Variants in XPO5 observed in about 807,000 individuals in gnomAD.
XPO5 encodes exportin 5, also known as exportin-5.
In XPO5, 46 loss-of-function variants were observed where a neutral mutation model predicts 160.6. That is an observed-to-expected ratio of 0.29 (90% CI 0.23 to 0.37). The LOEUF (loss-of-function observed/expected upper bound fraction) is 0.37. XPO5 is among the 10% of genes least tolerant of loss of function. The pLI is 1.00. For synonymous variants in XPO5, 537 were observed against 519.3 expected (o/e 1.03, Z -0.46); for missense variants, 1,090 against 1,463.9 (o/e 0.74, Z 4.17).
intron 20 of XPO5, among the ~76,000 whole-genome samples, chr6:43,537,260 C>CT: frequency 6.6e-6 from 1 of 152,062 alleles, no homozygotes; most frequent in Admixed American, 6.6e-5. Flanking sequence ...GCATGAGCCA[C>CT]TATTCCCAGC....
intron 20 of XPO5, among the ~76,000 whole-genome samples, chr6:43,538,308 C>G (rs1418077818): frequency 6.6e-6 from 1 of 151,688 alleles, no homozygotes; most frequent in Non-Finnish European, 1.5e-5. Flanking sequence ...CACCACCACA[C>G]CTGGTTACTT....
chr6:43,572,511 C>A lies in XPO5; in HGVS notation c.295G>T (p.Ala99Ser). The A allele has an allele frequency of 6.2e-7, 1 of 1,613,926 alleles. No individual in the cohort carries two copies. Among genetic ancestry groups the A allele is most frequent in the Non-Finnish European group, 8.5e-7 (1 of 1,179,886 alleles). Reference sequence around the variant, plus strand: ...CCCAACCACCCATTCCTTACATTTGCAATCAGCTCCATGACACTGTTCTTC... The same window carrying A: ...CCCAACCACCCATTCCTTACATTTGAAATCAGCTCCATGACACTGTTCTTC... ...YLKNSVMELI[A>S]NGTLNILEEE... The change falls in exon 3 of 32, where the codon GCA becomes TCA. Residue 99 changes from alanine to serine, a missense_variant. Coordinates refer to ENST00000265351, the MANE Select transcript of XPO5 (RefSeq NM_020750.3).
At chr6:43,543,276 G>C (rs1471645258) in intron 20 of XPO5, among the ~76,000 whole-genome samples, 1 of 151,972 alleles carries the variant, frequency 6.6e-6, no homozygotes, top group African/African-American at 2.4e-5. Flanking sequence ...AACATAGAGA[G>C]AACCTATCTC....
At chr6:43,570,479 T>C (rs773021578) in intron 5 of XPO5, 23 bp downstream of exon 5, 2 of 1,596,626 alleles carry the variant, frequency 1.3e-6, no homozygotes, top group Non-Finnish European at 1.7e-6. Flanking sequence ...AATAGAAATG[T>C]TATAGGTAGG....
intron 10 of XPO5, 64 bp downstream of exon 10, chr6:43,560,860 G>T: frequency 7.8e-7 from 1 of 1,277,932 alleles, no homozygotes; most frequent in Non-Finnish European, 1.1e-6. Context: ...AATATTTCAG[G>T]ACACAGTGCT....
At chr6:43,560,422 C>T in intron 10 of XPO5, 119 bp from the exon 11 acceptor site, 1 of 1,242,984 alleles carries the variant, frequency 8.0e-7, no homozygotes, top group South Asian at 1.7e-5. Flanking sequence ...TACTTTGAAG[C>T]TGTCTCTACT....
chr6:43,574,502 T>A (rs1763190897), intron 1 of XPO5, among the ~76,000 whole-genome samples: 1 of 150,910 alleles, frequency 6.6e-6, no homozygotes, highest in Admixed American at 6.6e-5. Flanking sequence ...ATATATATAT[T>A]ATGAATAAAG....
At chr6:43,541,684 C>T (rs906049767) in intron 20 of XPO5, among the ~76,000 whole-genome samples, 1 of 152,226 alleles carries the variant, frequency 6.6e-6, no homozygotes, top group South Asian at 2.1e-4. Context: ...CCTTTTGTGT[C>T]TGGCTTCTTT....
intron 19 of XPO5, chr6:43,547,358 G>C: frequency 1.8e-6 from 1 of 560,746 alleles, no homozygotes; most frequent in Non-Finnish European, 3.2e-6. Context: ...TACACCTTCA[G>C]TCTTCAGAGC....
In XPO5 at chr6:43,525,830, T is replaced by C; in HGVS notation, c.3066+9A>G. ...AGGAGTAAAGGTATCACCTGCTCCT[T>C]CTACCCACCTCATGCTTCATCAGAC... On this transcript the variant is annotated intron_variant, in intron 28 of 31. Coordinates refer to ENST00000265351, the MANE Select transcript of XPO5 (RefSeq NM_020750.3). 2 of 1,613,962 alleles carry C rather than the reference T, an allele frequency of 1.2e-6. No homozygotes were observed. The highest frequency in any genetic ancestry group is 1.7e-6 in the Non-Finnish European group (2 of 1,179,844).
At chr6:43,574,747 G>C (rs149853219) in intron 1 of XPO5, among the ~76,000 whole-genome samples, 1 of 151,966 alleles carries the variant, frequency 6.6e-6, no homozygotes, top group Admixed American at 6.6e-5. Context: ...TAAAATCTTT[G>C]ATTGCTGAAT....
At chr6:43,525,273 T>C in intron 28 of XPO5, 59 bp from the exon 29 acceptor site, 12 of 1,477,864 alleles carry the variant, frequency 8.1e-6, no homozygotes, top group Non-Finnish European at 1.1e-5. Flanking sequence ...TCTCTGATGA[T>C]TATTACACAT....
At chr6:43,553,301 C>T in intron 14 of XPO5, 72 bp downstream of exon 14, 1 of 1,514,958 alleles carries the variant, frequency 6.6e-7, no homozygotes, top group Non-Finnish European at 8.9e-7. Context: ...TATAGCGTCC[C>T]AAAATAGAAA....
At chr6:43,551,123 G>T in intron 15 of XPO5, 175 bp downstream of exon 15, 1 of 526,816 alleles carries the variant, frequency 1.9e-6, no homozygotes, top group Non-Finnish European at 3.1e-6. Context: ...AGGCATGGTT[G>T]TGCATGCTTG....
rs1236646068 is a variant in XPO5, at chr6:43,523,313, A to C, written c.*555T>G. On this transcript the variant is annotated 3_prime_UTR_variant, in exon 32 of 32. Coordinates refer to ENST00000265351, the MANE Select transcript of XPO5 (RefSeq NM_020750.3). ...GTGACCAGATTCTTGCCCAAAGCAA[A>C]GTTGAGAGAACTGACCAAGTTCTCT... 3 of 232,758 alleles carry C rather than the reference A, an allele frequency of 1.3e-5. No individual in the cohort carries two copies. The highest frequency in any genetic ancestry group is 2.3e-5 in the African/African-American group (1 of 44,114). The allele number at this position is 232,758 out of a possible 1,614,324, so 14.4% of individuals were successfully genotyped here. A position where few individuals can be genotyped will look rare whatever the true frequency, so the allele number is the denominator to read the frequency against.
intron 18 of XPO5, 114 bp from the exon 19 acceptor site, chr6:43,547,821 G>C: frequency 1.3e-6 from 1 of 789,740 alleles, no homozygotes; most frequent in Non-Finnish European, 2.1e-6. Context: ...TTTTTATAGT[G>C]AGAGGAGTAT....
At chr6:43,562,126 G>C in intron 9 of XPO5, 121 bp downstream of exon 9, 1 of 657,028 alleles carries the variant, frequency 1.5e-6, no homozygotes. Context: ...GCAATAACTT[G>C]TATGGCACTG....
rs1561864622 is a variant in XPO5, at chr6:43,528,812, C to G, written c.2775+16G>C. On this transcript the variant is annotated intron_variant, in intron 24 of 31. Coordinates refer to ENST00000265351, the MANE Select transcript of XPO5 (RefSeq NM_020750.3). ...TAATAGTACTCTTTGCTTCCTGTTC[C>G]TGACTTATCTCTTACCATATGGAGG... 1 of 1,611,286 alleles carries G rather than the reference C, an allele frequency of 6.2e-7. No homozygotes were observed. The highest frequency in any genetic ancestry group is 1.1e-5 in the South Asian group (1 of 90,710).
At chr6:43,533,866 G>T (rs374182742) in intron 21 of XPO5, 41 bp downstream of exon 21, 6 of 1,466,406 alleles carry the variant, frequency 4.1e-6, no homozygotes, top group Non-Finnish European at 5.6e-6. Flanking sequence ...ATCCATTAGG[G>T]ATAAGATAAA....
Sources: allele counts gnomAD v4.1 joint callset (sites outside exome capture counted in the v4.1 genomes callset), GRCh38; gene constraint gnomAD v4.1.1; transcripts MANE v1.5; gene names NCBI Gene and HGNC (gene_info 2026-07-23, HGNC 2026-07-21).